NAALADL2: variants seen among roughly 807,000 people sequenced by gnomAD.
The protein encoded by NAALADL2 is N-acetylated alpha-linked acidic dipeptidase like 2.
NAALADL2 carries 76 observed loss-of-function variants against 87.2 expected under a neutral mutation model. The observed-to-expected ratio is 0.87, with a 90% CI of 0.72 to 1.05. NAALADL2 has a LOEUF of 1.05. Ranked by LOEUF, NAALADL2 falls within the 50% of genes least tolerant of loss-of-function variation. The pLI is 0.00. For synonymous variants in NAALADL2, 354 were observed against 331.0 expected (o/e 1.07, Z -0.75); for missense variants, 1,089 against 945.8 (o/e 1.15, Z -1.99).
At chr3:174,556,715 T>C (rs769905625) in intron 2 of NAALADL2, among the ~76,000 whole-genome samples, 12 of 152,216 alleles carry the variant, frequency 7.9e-5, no homozygotes, top group Non-Finnish European at 1.5e-4. Context: ...GAGTCAGACA[T>C]TGGATAATTT....
intron 1 of NAALADL2, among the ~76,000 whole-genome samples, chr3:174,977,279 C>T (rs983122798): frequency 6.6e-6 from 1 of 152,138 alleles, no homozygotes; most frequent in Admixed American, 6.5e-5. Flanking sequence ...CACCCCACAC[C>T]ACGCCCAGCT....
At chr3:174,971,309 T>C (rs757943472) in intron 1 of NAALADL2, among the ~76,000 whole-genome samples, 9 of 152,170 alleles carry the variant, frequency 5.9e-5, no homozygotes, top group Non-Finnish European at 1.2e-4. Flanking sequence ...GTGGATTGGA[T>C]TGATATTGTT....
chr3:175,763,958 A>G (rs1270068313), intron 13 of NAALADL2, among the ~76,000 whole-genome samples: 2 of 152,108 alleles, frequency 1.3e-5, no homozygotes, highest in Admixed American at 1.3e-4. Context: ...TTTCATTTGG[A>G]TTGATTTGAA....
intron 9 of NAALADL2, among the ~76,000 whole-genome samples, chr3:175,491,024 T>G (rs1188612189): frequency 1.3e-5 from 2 of 151,946 alleles, no homozygotes; most frequent in Non-Finnish European, 2.9e-5. Flanking sequence ...GGATAGAGAC[T>G]TTTTTTAAAA....
chr3:174,530,286 C>T (rs1476257033), intron 1 of NAALADL2, among the ~76,000 whole-genome samples: 1 of 152,152 alleles, frequency 6.6e-6, no homozygotes, highest in African/African-American at 2.4e-5. Context: ...GCTCCAGTTC[C>T]CAACAAGTTC....
chr3:175,590,654 G>A (rs1259669886), intron 10 of NAALADL2, among the ~76,000 whole-genome samples: 1 of 152,148 alleles, frequency 6.6e-6, no homozygotes, highest in African/African-American at 2.4e-5. Context: ...AATAGAAAAT[G>A]CATGATGACC....
chr3:174,874,208 G>A (rs986335952), intron 1 of NAALADL2, among the ~76,000 whole-genome samples: 1 of 152,128 alleles, frequency 6.6e-6, no homozygotes, highest in Non-Finnish European at 1.5e-5. Flanking sequence ...CAGATGGCAC[G>A]TGAGTACATG....
At chr3:175,106,926 A>T (rs1723261363) in intron 2 of NAALADL2, among the ~76,000 whole-genome samples, 1 of 152,002 alleles carries the variant, frequency 6.6e-6, no homozygotes, top group Non-Finnish European at 1.5e-5. Context: ...GTATCGAATC[A>T]ATTAAATATT....
intron 2 of NAALADL2, among the ~76,000 whole-genome samples, chr3:174,635,130 G>C (rs1722502433): frequency 6.6e-6 from 1 of 152,150 alleles, no homozygotes; most frequent in Non-Finnish European, 1.5e-5. Flanking sequence ...ATTATTTTGT[G>C]TAGTGACCTT....
chr3:174,705,453 C>T (rs552624322), intron 2 of NAALADL2, among the ~76,000 whole-genome samples: 2 of 152,194 alleles, frequency 1.3e-5, no homozygotes, highest in South Asian at 2.1e-4. Flanking sequence ...CAATATATTC[C>T]AGGACACATT....
In NAALADL2 at chr3:174,512,958, G is replaced by A. The variant is rs374646850; in HGVS notation, c.-183-37611G>A. Among the ~76,000 whole-genome samples, 27 of 149,852 alleles carry A rather than the reference G, an allele frequency of 1.8e-4. 1 individual carries two copies. In the South Asian group the frequency reaches 5.3e-3, roughly 29 times the overall value. On this transcript the variant is annotated intron_variant, in intron 1 of 3. Transcript: ENST00000434257. Reference sequence around the variant, plus strand: ...ATGACCAGTGCCACCAAATAAGCTTGATTTTTTTTTTTTTTTTCTGGGAGA... The same window carrying A: ...ATGACCAGTGCCACCAAATAAGCTTAATTTTTTTTTTTTTTTTCTGGGAGA...
intron 3 of NAALADL2, among the ~76,000 whole-genome samples, chr3:174,820,012 A>G (rs1291477749): frequency 6.6e-6 from 1 of 152,066 alleles, no homozygotes; most frequent in African/African-American, 2.4e-5. Flanking sequence ...ATCTAGTTAT[A>G]GGCAGCTTCA....
At chr3:175,793,307 C>CTTTTTT (rs66905230) in intron 13 of NAALADL2, among the ~76,000 whole-genome samples, 1 of 116,930 alleles carries the variant, frequency 8.6e-6, no homozygotes, top group Non-Finnish European at 1.8e-5. Context: ...CATTTTCTTT[C>CTTTTTT]TTTTTTTTTT....
At chr3:175,526,008 T>A (rs1042015112) in intron 9 of NAALADL2, among the ~76,000 whole-genome samples, 2 of 152,170 alleles carry the variant, frequency 1.3e-5, no homozygotes, top group African/African-American at 4.8e-5. Context: ...ATCAGAACTG[T>A]GTGATACAGA....
chr3:175,314,692 A>ATATAGTTCTAAC (rs1553857567), intron 4 of NAALADL2, among the ~76,000 whole-genome samples: 24 of 68,326 alleles, frequency 3.5e-4, no homozygotes, highest in African/African-American at 1.1e-3. Flanking sequence ...ATATATATAT[A>ATATAGTTCTAAC]TATATATATA....
rs73184725 is a variant in NAALADL2 at position 175,286,583 on chromosome 3, A to G, written c.939+30053A>G. Among the ~76,000 whole-genome samples the G allele has an allele frequency of 2.7e-3, 412 of 152,264 alleles. 2 individuals carry two copies. Among genetic ancestry groups the G allele is most frequent in the Middle Eastern group, 0.01 (3 of 294 alleles). ...CCACAGTATTTGTAGAACTACCTCTATAATACCTATGGATCGACTTCTGGA... is the reference window on the plus strand; with the variant it reads ...CCACAGTATTTGTAGAACTACCTCTGTAATACCTATGGATCGACTTCTGGA... On this transcript the variant is annotated intron_variant, in intron 4 of 13. Transcript: ENST00000454872.
At position 175,513,413 on chromosome 3, in the gene NAALADL2, C is replaced by T. The variant is rs537408771; in HGVS notation, c.1653+41655C>T. The stretch of plus-strand genomic sequence containing the variant: ...ATGTGTCAGTGACTACTCTGCAGAG[C>T]AGCATAAAAGAACATTTTCATTATT... On this transcript the variant is annotated intron_variant, in intron 9 of 13. Transcript: ENST00000454872. 4.8e-4 allele frequency among the ~76,000 whole-genome samples: 73 copies of T among 152,194 alleles called. No homozygotes were observed. The Middle Eastern group carries it at 0.014, about 28-fold the overall frequency.
intron 13 of NAALADL2, among the ~76,000 whole-genome samples, chr3:175,795,385 ACT>A (rs1235817824): frequency 2.0e-5 from 3 of 151,966 alleles, no homozygotes; most frequent in Non-Finnish European, 2.9e-5. Context: ...TCCATATTGT[ACT>A]CTGTCAATGG....
chr3:174,557,280 A>C (rs1272801273), intron 2 of NAALADL2, among the ~76,000 whole-genome samples: 5 of 152,222 alleles, frequency 3.3e-5, no homozygotes, highest in Non-Finnish European at 5.9e-5. Flanking sequence ...GACTTAAAAA[A>C]ATACAACTTT....
Sources: allele counts gnomAD v4.1 joint callset (sites outside exome capture counted in the v4.1 genomes callset), GRCh38; gene constraint gnomAD v4.1.1; transcripts MANE v1.5; gene names NCBI Gene and HGNC (gene_info 2026-07-23, HGNC 2026-07-21).